PCDH7: variants seen among roughly 807,000 people sequenced by gnomAD.
PCDH7 encodes protocadherin-7.
Under a neutral mutation model 58.9 loss-of-function variants are expected in PCDH7, and 17 were observed. The ratio of observed to expected loss-of-function variants is 0.29; its 90% CI spans 0.20 to 0.43. PCDH7 has a LOEUF of 0.43. Ranked by LOEUF, PCDH7 falls within the 20% of genes least tolerant of loss-of-function variation. The probability of loss-of-function intolerance (pLI) is 1.00; values close to 1 mark genes in which losing one functional copy is unlikely to be tolerated. For missense variants in PCDH7, 1,274 were observed against 1,441.0 expected, an observed-to-expected ratio of 0.88 and a Z score of 1.88; for synonymous variants, 664 against 616.4, an observed-to-expected ratio of 1.08 and a Z score of -1.14.
intron 1 of PCDH7, among the ~76,000 whole-genome samples, chr4:30,839,814 G>T (rs893417300): frequency 2.0e-5 from 3 of 152,032 alleles, no homozygotes; most frequent in Non-Finnish European, 4.4e-5. Context: ...GCTTTAAAAG[G>T]CTTGACTGGA....
At chr4:30,809,742 C>T (rs1453999342) in intron 1 of PCDH7, among the ~76,000 whole-genome samples, 1 of 152,150 alleles carries the variant, frequency 6.6e-6, no homozygotes, top group African/African-American at 2.4e-5. Context: ...GTATTCTTTA[C>T]AAGGGACACA....
intron 1 of PCDH7, among the ~76,000 whole-genome samples, chr4:30,873,277 T>G (rs1735850765): frequency 6.6e-6 from 1 of 152,092 alleles, no homozygotes; most frequent in South Asian, 2.1e-4. Flanking sequence ...ATTGATTCAA[T>G]GAATACAATT....
chr4:31,064,182 A>C (rs966508413), intron 3 of PCDH7, among the ~76,000 whole-genome samples: 1 of 152,048 alleles, frequency 6.6e-6, no homozygotes, highest in African/African-American at 2.4e-5. Flanking sequence ...AGAAAATCAG[A>C]TGAAGTTTTA....
At chr4:31,043,747 CACTCTGATAATAGTTTCTTT>C (rs944708507) in intron 3 of PCDH7, among the ~76,000 whole-genome samples, 1 of 150,578 alleles carries the variant, frequency 6.6e-6, no homozygotes, top group African/African-American at 2.4e-5. Flanking sequence ...ATTGTTTGTT[CACTCTGATAATAGTTTCTTT>C]ACTCTGATAA....
chr4:30,732,760 A>G (rs1715704039), exon 2 of PCDH7: 1 of 152,110 alleles, frequency 6.6e-6, no homozygotes, highest in Non-Finnish European at 1.5e-5. Flanking sequence ...GTAGGAAGTT[A>G]TGGCTATTTA....
At chr4:30,817,556 A>G (rs1216711564) in intron 1 of PCDH7, among the ~76,000 whole-genome samples, 3 of 152,218 alleles carry the variant, frequency 2.0e-5, no homozygotes, top group African/African-American at 4.8e-5. Context: ...TAAATGGAAC[A>G]TTAGAGACTT....
Position 30,790,687 on chromosome 4 carries a change from A to C in PCDH7, c.70+66091A>C, listed in dbSNP as rs80102050. ...TGTCATCTCAGACTTTGGGAGGCCA[A>C]GGTGAGAGGATCAATTCAGGTTAAG... On this transcript the variant is annotated intron_variant, in intron 1 of 3. Coordinates refer to the PCDH7 transcript ENST00000509759. 3.9e-3 allele frequency among the ~76,000 whole-genome samples: 587 copies of C among 152,314 alleles called. 7 individuals carry two copies. Among genetic ancestry groups the C allele is most frequent in the African/African-American group, 0.013 (525 of 41,580 alleles).
intron 1 of PCDH7, among the ~76,000 whole-genome samples, chr4:30,752,783 CAAAA>C (rs35860745): frequency 2.0e-4 from 20 of 99,542 alleles, no homozygotes; most frequent in Non-Finnish European, 2.8e-4. Flanking sequence ...CCTGTAGGGG[CAAAA>C]AAAAAAAAAA....
chr4:30,878,574 T>G (rs1351573773), intron 1 of PCDH7, among the ~76,000 whole-genome samples: 1 of 152,084 alleles, frequency 6.6e-6, no homozygotes, highest in Non-Finnish European at 1.5e-5. Flanking sequence ...CTTGGATCAC[T>G]CACCCCCAGT....
At chr4:30,796,292 C>T (rs906948002) in intron 1 of PCDH7, among the ~76,000 whole-genome samples, 9 of 152,192 alleles carry the variant, frequency 5.9e-5, no homozygotes, top group Admixed American at 2.6e-4. Context: ...GGGGGCCTAA[C>T]GGACTTCCCC....
At chr4:31,092,925 T>G (rs558402506) in intron 3 of PCDH7, among the ~76,000 whole-genome samples, 1 of 152,224 alleles carries the variant, frequency 6.6e-6, no homozygotes, top group African/African-American at 2.4e-5. Flanking sequence ...GTACACAATT[T>G]TGTCTTTATA....
chr4:30,996,060 A>G (rs1417011560), intron 3 of PCDH7, among the ~76,000 whole-genome samples: 1 of 152,126 alleles, frequency 6.6e-6, no homozygotes, highest in African/African-American at 2.4e-5. Context: ...ACATATATTT[A>G]TATTCACATC....
rs1053423048 is a variant in PCDH7 at position 30,768,759 on chromosome 4, G to A, written c.70+44163G>A. Among the ~76,000 whole-genome samples the A allele has an allele frequency of 2.6e-5, 4 of 152,104 alleles. No individual in the cohort carries two copies. The East Asian group carries it at 5.8e-4, about 22-fold the overall frequency. On this transcript the variant is annotated intron_variant, in intron 1 of 3. Transcript: ENST00000509759. ...CAATTATTATCTTGCTATTTCCTACGTATCTTTAAAATCAGCTGGAAACCT... is the reference window on the plus strand; with the variant it reads ...CAATTATTATCTTGCTATTTCCTACATATCTTTAAAATCAGCTGGAAACCT...
chr4:30,737,984 T>A (rs1716534617), intron 1 of PCDH7, among the ~76,000 whole-genome samples: 1 of 152,114 alleles, frequency 6.6e-6, no homozygotes, highest in Admixed American at 6.5e-5. Flanking sequence ...TCTGATGAGG[T>A]CTCTCTTACT....
At chr4:31,071,006 A>T (rs551970470) in intron 3 of PCDH7, among the ~76,000 whole-genome samples, 43 of 152,202 alleles carry the variant, frequency 2.8e-4, no homozygotes, top group Admixed American at 2.6e-3. Flanking sequence ...TGTCTCTAGG[A>T]TGCCTTTCCC....
intron 3 of PCDH7, among the ~76,000 whole-genome samples, chr4:30,989,881 G>A (rs1466848369): frequency 6.6e-6 from 1 of 152,100 alleles, no homozygotes; most frequent in African/African-American, 2.4e-5. Flanking sequence ...GTATCAAATT[G>A]TCAAAAGTTT....
chr4:31,136,208 G>T (rs188257883), intron 3 of PCDH7, among the ~76,000 whole-genome samples: 1 of 152,108 alleles, frequency 6.6e-6, no homozygotes, highest in Non-Finnish European at 1.5e-5. Flanking sequence ...CTCTCCAGGG[G>T]CTATGACCTA....
intron 1 of PCDH7, among the ~76,000 whole-genome samples, chr4:30,785,890 T>A (rs1723328221): frequency 6.6e-6 from 1 of 152,020 alleles, no homozygotes; most frequent in Admixed American, 6.6e-5. Flanking sequence ...ATATTCAGAC[T>A]TACTAAGATT....
At chr4:30,866,973 A>G (rs1734961645) in intron 1 of PCDH7, among the ~76,000 whole-genome samples, 1 of 152,138 alleles carries the variant, frequency 6.6e-6, no homozygotes, top group Non-Finnish European at 1.5e-5. Context: ...CAAAAAGGAA[A>G]TGAAACCTTA....
Sources: gnomAD v4.1 joint callset for allele counts (sites outside exome capture counted in the v4.1 genomes callset) on GRCh38, gnomAD v4.1.1 for gene constraint, MANE v1.5 for transcripts, NCBI Gene and HGNC (gene_info 2026-07-23, HGNC 2026-07-21) for gene names.